Variants in WWP2 observed in about 807,000 individuals in gnomAD.
The protein encoded by WWP2 is WW domain containing E3 ubiquitin protein ligase 2, also known as NEDD4-like E3 ubiquitin-protein ligase WWP2.
WWP2 carries 57 observed loss-of-function variants against 121.0 expected under a neutral mutation model. The observed-to-expected ratio is 0.47, with a 90% CI of 0.38 to 0.59. The LOEUF is 0.59. WWP2 is among the 20% of genes least tolerant of loss of function. The pLI is 0.00. For synonymous variants in WWP2, 449 were observed against 441.3 expected, an observed-to-expected ratio of 1.02 and a Z score of -0.22; for missense variants, 962 against 1,158.9, an observed-to-expected ratio of 0.83 and a Z score of 2.47.
chr16:69,872,011 C>A, intron 7 of WWP2, 80 bp downstream of exon 7: 1 of 1,523,582 alleles, frequency 6.6e-7, no homozygotes. Flanking sequence ...GGATCCTGCC[C>A]ACTGTGTCAG....
At chr16:69,936,478 G>C (rs367812375) in intron 19 of WWP2, 26 bp downstream of exon 19, 1 of 1,612,786 alleles carries the variant, frequency 6.2e-7, no homozygotes, top group Non-Finnish European at 8.5e-7. Context: ...CGGGGGCTCC[G>C]CTCCAGGGGT....
chr16:69,768,507 G>A (rs557333752), intron 1 of WWP2, among the ~76,000 whole-genome samples: 3 of 152,310 alleles, frequency 2.0e-5, no homozygotes, highest in Non-Finnish European at 4.4e-5. Flanking sequence ...CTACTTGGGA[G>A]CCTGAGGCAG....
At chr16:69,865,876 A>G (rs2057511779) in intron 6 of WWP2, among the ~76,000 whole-genome samples, 1 of 152,238 alleles carries the variant, frequency 6.6e-6, no homozygotes, top group South Asian at 2.1e-4. Context: ...CTTATCAGAA[A>G]GGAATGCCGG....
chr16:69,826,864 G>A (rs777216670), intron 4 of WWP2, among the ~76,000 whole-genome samples: 16 of 150,170 alleles, frequency 1.1e-4, no homozygotes, highest in African/African-American at 2.7e-4. Context: ...GTGTGAACCC[G>A]GTAGGCGGAG....
chr16:69,885,727 G>A (rs1049956340), intron 7 of WWP2, among the ~76,000 whole-genome samples: 18 of 152,234 alleles, frequency 1.2e-4, no homozygotes, highest in African/African-American at 4.3e-4. Flanking sequence ...GAGAGGTGTT[G>A]TAGCCTCTTT....
chr16:69,931,821 A>G lies in WWP2; in HGVS notation c.1613A>G (p.Tyr538Cys). ...TCCCAGATCATGAACATGAAACCCTATGACCTGCGCCGCCGGCTCTACATC... is the reference window on the plus strand; with the variant it reads ...TCCCAGATCATGAACATGAAACCCTGTGACCTGCGCCGCCGGCTCTACATC... ...SFQQIMNMKP[Y>C]DLRRRLYIIM... The change falls in exon 16 of 24, where the codon TAT becomes TGT. Residue 538 changes from tyrosine (Y) to cysteine (C), a missense_variant. Tyr to Cys is a radical substitution (Grantham distance 194). Transcript: ENST00000359154. 1 of 1,613,646 alleles carries G rather than the reference A, an allele frequency of 6.2e-7. No individual in the cohort carries two copies. Among genetic ancestry groups the G allele is most frequent in the Non-Finnish European group, 8.5e-7 (1 of 1,179,976 alleles).
intron 9 of WWP2, 48 bp from the exon 10 acceptor site, chr16:69,917,655 TGGGGGA>T (rs750693034): frequency 9.8e-5 from 154 of 1,575,352 alleles, no homozygotes; most frequent in Non-Finnish European, 1.3e-4. Context: ...TTTCTAGAAT[TGGGGGA>T]TGGGAGTGGG....
At chr16:69,917,975 C>G in intron 10 of WWP2, 92 bp downstream of exon 10, 1 of 1,460,636 alleles carries the variant, frequency 6.8e-7, no homozygotes, top group Non-Finnish European at 9.2e-7. Flanking sequence ...GCTTAGTGAG[C>G]AGGGAAAACA....
At chr16:69,833,269 T>C (rs8045482) in intron 4 of WWP2, among the ~76,000 whole-genome samples, 7,857 of 152,316 alleles carry the variant, frequency 0.052, 707 homozygotes, top group African/African-American at 0.18. Context: ...TGCAGTGTGT[T>C]GTTGAAGAAA....
At chr16:69,858,922 G>T (rs2057367999) in intron 6 of WWP2, among the ~76,000 whole-genome samples, 1 of 152,158 alleles carries the variant, frequency 6.6e-6, no homozygotes, top group African/African-American at 2.4e-5. Flanking sequence ...ATGGGCACTG[G>T]ATCCCACAGA....
chr16:69,889,941 T>C (rs1370415779), intron 8 of WWP2, among the ~76,000 whole-genome samples: 1 of 152,176 alleles, frequency 6.6e-6, no homozygotes, highest in African/African-American at 2.4e-5. Context: ...TATTCTATTA[T>C]TAAGCCACTT....
In WWP2 at chr16:69,928,164, TCTG is replaced by T. The variant is rs199925413; in HGVS notation, c.1235-1281_1235-1279del. On this transcript the variant is annotated intron_variant, in intron 11 of 23. Transcript: ENST00000359154. ...GGAGGGGGTTGTTGCACTTCCCTGTTCTGCTCCTTTTTCAGCTTTCTGGTTCCC... is the reference window on the plus strand; with the variant it reads ...GGAGGGGGTTGTTGCACTTCCCTGTTCTCCTTTTTCAGCTTTCTGGTTCCC... Among the ~76,000 whole-genome samples the T allele has an allele frequency of 5.2e-3, 798 of 152,294 alleles. 6 individuals are homozygous for T. Among genetic ancestry groups the T allele is most frequent in the Admixed American group, 0.012 (186 of 15,298 alleles).
intron 14 of WWP2, 93 bp downstream of exon 14, chr16:69,931,320 G>T: frequency 6.4e-7 from 1 of 1,557,604 alleles, no homozygotes; most frequent in Non-Finnish European, 8.8e-7. Flanking sequence ...CGGAATGTTT[G>T]TGTCTTAGGC....
At chr16:69,848,261 A>G (rs2057123702) in intron 6 of WWP2, among the ~76,000 whole-genome samples, 1 of 151,748 alleles carries the variant, frequency 6.6e-6, no homozygotes, top group African/African-American at 2.4e-5. Context: ...GACCAGCCTG[A>G]CCAACATGGA....
intron 22 of WWP2, 76 bp from the exon 23 acceptor site, chr16:69,939,263 CTG>C: frequency 1.9e-6 from 3 of 1,593,354 alleles, no homozygotes; most frequent in South Asian, 2.2e-5. Context: ...CCGAGCCCAT[CTG>C]TGGGTGGAGC....
chr16:69,773,949 G>A (rs1321260852), intron 1 of WWP2, among the ~76,000 whole-genome samples: 1 of 151,776 alleles, frequency 6.6e-6, no homozygotes, highest in African/African-American at 2.4e-5. Flanking sequence ...CTTCATATTA[G>A]GATCACTTGG....
chr16:69,787,232 T>C (rs2055812852), intron 2 of WWP2, 152 bp downstream of exon 2: 1 of 558,580 alleles, frequency 1.8e-6, no homozygotes, highest in Admixed American at 4.1e-5. Flanking sequence ...TAGCTGTAAT[T>C]CTTGAAGAAG....
At chr16:69,828,814 T>C (rs77013832) in intron 4 of WWP2, among the ~76,000 whole-genome samples, 2,945 of 152,284 alleles carry the variant, frequency 0.019, 82 homozygotes, top group African/African-American at 0.064. Flanking sequence ...CATCCTCTTC[T>C]TCCATGATCT....
intron 8 of WWP2, among the ~76,000 whole-genome samples, chr16:69,896,268 G>A (rs1304018364): frequency 6.6e-6 from 1 of 151,992 alleles, no homozygotes; most frequent in Non-Finnish European, 1.5e-5. Context: ...ACTACCATGC[G>A]CCACCATGCT....
Sources: allele counts gnomAD v4.1 joint callset (sites outside exome capture counted in the v4.1 genomes callset), GRCh38; gene constraint gnomAD v4.1.1; transcripts MANE v1.5; gene names NCBI Gene and HGNC (gene_info 2026-07-23, HGNC 2026-07-21).